DLGAP1: variants seen among roughly 807,000 people sequenced by gnomAD.
DLGAP1 encodes the protein disks large-associated protein 1.
In DLGAP1, 11 loss-of-function variants were observed where a neutral mutation model predicts 90.8. The observed-to-expected ratio is 0.12, with a 90% CI of 0.08 to 0.20. The LOEUF is 0.20. Ranked by LOEUF, DLGAP1 falls within the 10% of genes least tolerant of loss-of-function variation. The pLI is 1.00. For missense variants in DLGAP1, 1,050 were observed against 1,333.8 expected (o/e 0.79, Z 3.31); for synonymous variants, 558 against 540.7 (o/e 1.03, Z -0.44).
chr18:4,331,253 C>T (rs1402258561), intron 1 of DLGAP1, among the ~76,000 whole-genome samples: 1 of 151,670 alleles, frequency 6.6e-6, no homozygotes, highest in East Asian at 1.9e-4. Flanking sequence ...GTTTTCTCCA[C>T]CCCTCCACCA....
At chr18:3,818,346 GTTTTTTTTTTTTT>G (rs398031872) in intron 4 of DLGAP1, among the ~76,000 whole-genome samples, 1 of 66,454 alleles carries the variant, frequency 1.5e-5, no homozygotes, top group Non-Finnish European at 2.7e-5. Context: ...TGTAGGGATG[GTTTTTTTTTTTTT>G]TTTTTTTTTT....
At chr18:3,563,190 T>C (rs1568202223) in intron 9 of DLGAP1, among the ~76,000 whole-genome samples, 2 of 152,184 alleles carry the variant, frequency 1.3e-5, no homozygotes, top group African/African-American at 4.8e-5. Context: ...TTCAAGATTT[T>C]TAAAGTCTTA....
chr18:3,695,184 T>C (rs1334046019), intron 7 of DLGAP1, among the ~76,000 whole-genome samples: 1 of 152,050 alleles, frequency 6.6e-6, no homozygotes, highest in Non-Finnish European at 1.5e-5. Context: ...GACCTCATGG[T>C]CCACCCGTTT....
intron 7 of DLGAP1, among the ~76,000 whole-genome samples, chr18:3,589,480 T>A (rs1050461679): frequency 6.6e-6 from 1 of 152,176 alleles, no homozygotes; most frequent in Non-Finnish European, 1.5e-5. Flanking sequence ...GATTACTGCA[T>A]TTTAGAAATT....
At chr18:3,699,813 G>T (rs342497) in intron 7 of DLGAP1, among the ~76,000 whole-genome samples, 1 of 152,082 alleles carries the variant, frequency 6.6e-6, no homozygotes, top group South Asian at 2.1e-4. Flanking sequence ...GGGCTGCTGC[G>T]TTTCTTTCAG....
chr18:4,090,444 G>C (rs148416155), intron 2 of DLGAP1, among the ~76,000 whole-genome samples: 62 of 152,304 alleles, frequency 4.1e-4, no homozygotes, highest in African/African-American at 1.4e-3. Context: ...GACATGTACA[G>C]ACACTTCTTC....
intron 7 of DLGAP1, among the ~76,000 whole-genome samples, chr18:3,616,099 T>C (rs1370727924): frequency 6.6e-6 from 1 of 152,146 alleles, no homozygotes; most frequent in Non-Finnish European, 1.5e-5. Flanking sequence ...GCTGAGTAAT[T>C]TGTACGTGGG....
intron 5 of DLGAP1, among the ~76,000 whole-genome samples, chr18:3,781,036 C>T (rs1466941012): frequency 6.6e-6 from 1 of 152,058 alleles, no homozygotes; most frequent in Non-Finnish European, 1.5e-5. Flanking sequence ...TTATGTTTCC[C>T]AGGCCGGTCT....
chr18:4,206,580 C>T (rs73373042), intron 1 of DLGAP1, among the ~76,000 whole-genome samples: 1 of 152,220 alleles, frequency 6.6e-6, no homozygotes, highest in African/African-American at 2.4e-5. Flanking sequence ...TTGGAGAGGG[C>T]CCACATCAGC....
At chr18:3,582,947 G>C (rs780131068) in intron 7 of DLGAP1, among the ~76,000 whole-genome samples, 1 of 148,544 alleles carries the variant, frequency 6.7e-6, no homozygotes, top group South Asian at 2.1e-4. Flanking sequence ...ATAGAGAGGA[G>C]GTCTCTCTGT....
At position 3,499,668 on chromosome 18, in the gene DLGAP1, C is replaced by T. The variant is rs1325842943; in HGVS notation, c.2725-274G>A. ...GAAGGAAGTGGGTATTTTAAAGGCC[C>T]CCTGCGGAAAGCCTGCGGCTCCCAG... On this transcript the variant is annotated intron_variant, in intron 12 of 12. Coordinates refer to ENST00000315677, the MANE Select transcript of DLGAP1 (RefSeq NM_004746.4). The surrounding 1 kb of genome is among the most constrained non-coding windows in gnomAD (Gnocchi z 6.4). 6.6e-6 allele frequency among the ~76,000 whole-genome samples: 1 copy of T among 152,076 alleles called. No individual in the cohort carries two copies. The highest frequency in any genetic ancestry group is 2.4e-5 in the African/African-American group (1 of 41,408).
rs983645349 is a variant in DLGAP1, at chr18:3,534,249, C to T, written c.2424G>A (p.Glu808=). 3.1e-6 allele frequency: 5 copies of T among 1,614,252 alleles called. No homozygotes were observed. The highest frequency in any genetic ancestry group is 1.3e-5 in the African/African-American group (1 of 75,072). The change falls in exon 10 of 13, where the codon GAG becomes GAA. Residue 808 remains glutamate (E), a synonymous_variant. Transcript: ENST00000315677. ...CCCGCTCCATCTGTTGACACCACCCCTCCATGCGGTCTCGCTCTGCCTGGA... is the reference window on the plus strand; with the variant it reads ...CCCGCTCCATCTGTTGACACCACCCTTCCATGCGGTCTCGCTCTGCCTGGA... The part of the protein sequence containing the change: ...KLLQAERDRM[E]GWCQQMEREE...
chr18:4,325,115 A>G (rs912961057), intron 1 of DLGAP1, among the ~76,000 whole-genome samples: 1 of 152,302 alleles, frequency 6.6e-6, no homozygotes, highest in East Asian at 1.9e-4. Flanking sequence ...AGAAAAACCC[A>G]TAGTCTTGGC....
intron 6 of DLGAP1, among the ~76,000 whole-genome samples, chr18:3,730,902 C>T (rs1162650794): frequency 6.6e-6 from 1 of 152,092 alleles, no homozygotes; most frequent in Non-Finnish European, 1.5e-5. Flanking sequence ...AGTTATATCT[C>T]TATATATCCT....
intron 9 of DLGAP1, among the ~76,000 whole-genome samples, chr18:3,562,746 C>T (rs2054212612): frequency 6.7e-6 from 1 of 150,358 alleles, no homozygotes; most frequent in Admixed American, 6.7e-5. Context: ...CTCGCTGTGT[C>T]TCCGAAAGTG....
At chr18:3,586,729 C>T (rs1249845273) in intron 7 of DLGAP1, among the ~76,000 whole-genome samples, 5 of 152,214 alleles carry the variant, frequency 3.3e-5, no homozygotes, top group Non-Finnish European at 5.9e-5. Context: ...AAAACTCATA[C>T]AACGAAATCC....
chr18:4,389,273 C>T (rs2082294347), intron 1 of DLGAP1, among the ~76,000 whole-genome samples: 1 of 152,136 alleles, frequency 6.6e-6, no homozygotes, highest in Admixed American at 6.5e-5. Context: ...AAGATGAATA[C>T]TTTATGATTC....
chr18:4,347,440 A>G (rs2081320590), intron 1 of DLGAP1, among the ~76,000 whole-genome samples: 1 of 152,104 alleles, frequency 6.6e-6, no homozygotes, highest in African/African-American at 2.4e-5. Flanking sequence ...ATCAATGCAA[A>G]AGTACTAAAA....
intron 5 of DLGAP1, among the ~76,000 whole-genome samples, chr18:3,754,342 TACAGTTGACCCTTGAACAAC>T (rs1337039241): frequency 6.6e-6 from 1 of 152,128 alleles, no homozygotes; most frequent in African/African-American, 2.4e-5. Context: ...TAATACTGAA[TACAGTTGACCCTTGAACAAC>T]ACAGGTTTGA....
Sources: gnomAD v4.1 joint callset for allele counts (sites outside exome capture counted in the v4.1 genomes callset) on GRCh38, gnomAD v4.1.1 for gene constraint, Gnocchi (gnomAD v3.1) non-coding constraint, MANE v1.5 for transcripts, NCBI Gene and HGNC (gene_info 2026-07-23, HGNC 2026-07-21) for gene names.